The following CYP4F8 variants were observed in gnomAD, a reference collection of about 807,000 sequenced individuals.
CYP4F8 encodes the protein cytochrome P450 family 4 subfamily F member 8.
Under a neutral mutation model 55.0 loss-of-function variants are expected in CYP4F8, and 56 were observed. The ratio of observed to expected loss-of-function variants is 1.02; its 90% CI spans 0.82 to 1.27. The LOEUF (loss-of-function observed/expected upper bound fraction) is 1.27. Ranked by LOEUF, CYP4F8 falls within the 50% of genes most tolerant of loss-of-function variation. The probability of loss-of-function intolerance (pLI) is 0.00; values close to 1 mark genes in which losing one functional copy is unlikely to be tolerated. For synonymous variants in CYP4F8, 288 were observed against 267.3 expected (o/e 1.08, Z -0.76); for missense variants, 680 against 682.4 (o/e 1.00, Z 0.04).
At position 15,619,642 on chromosome 19, in the gene CYP4F8, G is replaced by A; in HGVS notation, c.405G>A (p.Gly135=). 1.2e-6 allele frequency: 2 copies of A among 1,614,214 alleles called. No individual in the cohort carries two copies. Among genetic ancestry groups the A allele is most frequent in the Non-Finnish European group, 8.5e-7 (1 of 1,180,030 alleles). ...CTTTGGCTGCCGTACTAGGGGATGG[G>A]CTCTTGTTAAGTGTTGGTGACAAGT... ...YKTLKPWLGD[G]LLLSVGDKWR... is the part of the protein sequence containing the mutation. Residue 135 remains glycine, a synonymous_variant, in exon 5 of 13, where the codon GGG becomes GGA. Coordinates refer to ENST00000612078, the MANE Select transcript of CYP4F8 (RefSeq NM_007253.4).
At chr19:15,618,329 G>A in intron 3 of CYP4F8, 185 bp downstream of exon 3, 1 of 956,042 alleles carries the variant, frequency 1.0e-6, no homozygotes, top group Non-Finnish European at 1.6e-6. Context: ...TCTCTCTGCT[G>A]CCATCTTCCC....
intron 9 of CYP4F8, among the ~76,000 whole-genome samples, chr19:15,626,849 C>T (rs994681261): frequency 6.6e-6 from 1 of 152,154 alleles, no homozygotes; most frequent in Non-Finnish European, 1.5e-5. Flanking sequence ...TATAATTTTA[C>T]CTTTCTCATA....
In CYP4F8 at chr19:15,628,309, C is replaced by T; in HGVS notation, c.1123C>T (p.Leu375=). 6.2e-7 allele frequency: 1 copy of T among 1,614,060 alleles called. No individual in the cohort carries two copies. The highest frequency in any genetic ancestry group is 1.1e-5 in the South Asian group (1 of 91,086). Residue 375 remains leucine (L), a synonymous_variant, in exon 10 of 13, where the codon CTG becomes TTG. Transcript: ENST00000612078. The part of the protein sequence containing the change: ...REPKEIEWDD[L]AQLPFLTMCL... ...TGTTGGGTGTTTCCTTAGGGACGAC[C>T]TGGCCCAGTTGCCCTTCCTGACCAT...
At position 15,629,392 on chromosome 19, in the gene CYP4F8, C is replaced by CA; in HGVS notation, c.*35dup. The stretch of plus-strand genomic sequence containing the variant: ...GTGACCCACCCACCTACCTTTGCAT[C>CA]ACCTACCTTTGCACCAACTACCTTT... On this transcript the variant is annotated 3_prime_UTR_variant, in exon 13 of 13. Coordinates refer to ENST00000612078, the MANE Select transcript of CYP4F8 (RefSeq NM_007253.4). The CA allele has an allele frequency of 6.4e-7, 1 of 1,568,056 alleles. No individual in the cohort carries two copies. Among genetic ancestry groups the CA allele is most frequent in the South Asian group, 1.2e-5 (1 of 84,428 alleles).
chr19:15,628,640 G>A, intron 11 of CYP4F8, 45 bp downstream of exon 11: 9 of 1,609,244 alleles, frequency 5.6e-6, no homozygotes, highest in Non-Finnish European at 7.6e-6. Context: ...CTGGTCGGGG[G>A]AGGGGTCTTG....
At chr19:15,628,147 T>A in intron 9 of CYP4F8, 155 bp from the exon 10 acceptor site, 1 of 1,111,532 alleles carries the variant, frequency 9.0e-7, no homozygotes, top group Middle Eastern at 3.0e-4. Context: ...CTTCTAGTAG[T>A]TTTGTGACTT....
chr19:15,628,462 T>C (rs1216545454), intron 10 of CYP4F8, 27 bp downstream of exon 10: 6 of 1,613,386 alleles, frequency 3.7e-6, no homozygotes, highest in Non-Finnish European at 5.1e-6. Flanking sequence ...GGGAGGAGGG[T>C]CCTGGGCAGG....
At chr19:15,615,465 T>G (rs1972102574) in intron 1 of CYP4F8, 151 bp from the exon 2 acceptor site, 2 of 837,354 alleles carry the variant, frequency 2.4e-6, no homozygotes. Context: ...TTGTGTCACT[T>G]CTCCTCTCCC....
chr19:15,618,758 A>C, intron 3 of CYP4F8: 1 of 212,524 alleles, frequency 4.7e-6, no homozygotes, highest in Non-Finnish European at 9.5e-6. Flanking sequence ...CATGACATTC[A>C]CCTCTTGTGG....
At chr19:15,619,799 T>G in intron 5 of CYP4F8, 37 bp downstream of exon 5, 2 of 1,607,692 alleles carry the variant, frequency 1.2e-6, no homozygotes, top group South Asian at 2.2e-5. Context: ...GCTGCAGCCT[T>G]GGGGTGGAGG....
rs1177383499 is a variant in CYP4F8 at position 15,630,635 on chromosome 19, T to C, written c.*1277T>C. ...AGAGCTGCGATAAACATGTGGATGCTTGTGTCTTTTTGGCAGAATGATTTA... is the reference window on the plus strand; with the variant it reads ...AGAGCTGCGATAAACATGTGGATGCCTGTGTCTTTTTGGCAGAATGATTTA... On this transcript the variant is annotated 3_prime_UTR_variant, in exon 13 of 13. Coordinates refer to ENST00000612078, the MANE Select transcript of CYP4F8 (RefSeq NM_007253.4). The C allele has an allele frequency of 6.6e-6, 1 of 152,216 alleles. No individual in the cohort carries two copies. Among genetic ancestry groups the C allele is most frequent in the East Asian group, 1.9e-4 (1 of 5,204 alleles). The allele number at this position is 152,216 out of a possible 1,614,324, so 9.4% of individuals were successfully genotyped here.
At position 15,629,471 on chromosome 19, in the gene CYP4F8, G is replaced by T; in HGVS notation, c.*113G>T. 2 of 1,376,728 alleles carry T rather than the reference G, an allele frequency of 1.5e-6. No individual in the cohort carries two copies. Among genetic ancestry groups the T allele is most frequent in the Admixed American group, 3.0e-5 (1 of 32,928 alleles). The allele number at this position is 1,376,728 out of a possible 1,614,324, so 85.3% of individuals were successfully genotyped here. ...GCCCCTGTGCCTCAGTCCCGCGGAT[G>T]GCCAGTAGGGGGCGCTGGAGGACTG... On this transcript the variant is annotated 3_prime_UTR_variant, in exon 13 of 13. Coordinates refer to ENST00000612078, the MANE Select transcript of CYP4F8 (RefSeq NM_007253.4).
intron 3 of CYP4F8, chr19:15,618,643 G>T (rs985337319): frequency 1.8e-5 from 5 of 284,660 alleles, no homozygotes; most frequent in Admixed American, 4.9e-5. Context: ...AGTATTCAAG[G>T]CTCCGGGCCA....
chr19:15,623,229 A>G lies in CYP4F8; in HGVS notation c.772A>G (p.Arg258Gly). Residue 258 changes from arginine to glycine, a missense_variant, in exon 7 of 13, where the codon AGG becomes GGG. Coordinates refer to ENST00000612078, the MANE Select transcript of CYP4F8 (RefSeq NM_007253.4). ...CACTCCCTGTGGACGGCGCTTCCACAGGGCCTGCAGACTGGTGCACGACTT... is the reference window on the plus strand; with the variant it reads ...CACTCCCTGTGGACGGCGCTTCCACGGGGCCTGCAGACTGGTGCACGACTT... ...FLTPCGRRFH[R>G]ACRLVHDFTD... 5 of 1,614,068 alleles carry G rather than the reference A, an allele frequency of 3.1e-6. No homozygotes were observed. Among genetic ancestry groups the G allele is most frequent in the Non-Finnish European group, 4.2e-6 (5 of 1,180,016 alleles).
chr19:15,629,131 T>C, intron 12 of CYP4F8, 62 bp from the exon 13 acceptor site: 1 of 1,509,704 alleles, frequency 6.6e-7, no homozygotes, highest in South Asian at 1.3e-5. Flanking sequence ...GCCTGGTTCC[T>C]GGCGCAGTGG....
intron 3 of CYP4F8, 192 bp downstream of exon 3, chr19:15,618,336 T>C (rs1972150646): frequency 3.3e-6 from 3 of 917,486 alleles, no homozygotes. Flanking sequence ...GCTGCCATCT[T>C]CCCCACCTCC....
chr19:15,618,007 C>T lies in CYP4F8; in HGVS notation c.206C>T (p.Pro69Leu). The T allele has an allele frequency of 6.2e-7, 1 of 1,613,784 alleles. No individual in the cohort carries two copies. Among genetic ancestry groups the T allele is most frequent in the Non-Finnish European group, 8.5e-7 (1 of 1,179,786 alleles). ...CCCTTGCCTTGCTTGCAGGTCACTC[C>T]CACAGAGGAGGGCTTGAGGGTCCTG... ...WFLGHLGLVT[P>L]TEEGLRVLTQ... is the part of the protein sequence containing the mutation. Residue 69 changes from proline to leucine, a missense_variant, in exon 3 of 13, where the codon CCC (proline) becomes CTC (leucine). Physicochemically the swap from Pro to Leu is moderately conservative, Grantham distance 98. Transcript: ENST00000612078.
Position 15,622,288 on chromosome 19 carries a change from A to G in CYP4F8, c.595A>G (p.Thr199Ala). Residue 199 changes from threonine to alanine, a missense_variant, in exon 6 of 13, where the codon ACC (threonine) becomes GCC (alanine). Coordinates refer to ENST00000612078, the MANE Select transcript of CYP4F8 (RefSeq NM_007253.4). Reference protein sequence around the residue: ...LDVFEHISLMTLDSLQKCIFS... With the variant: ...LDVFEHISLMALDSLQKCIFS... Reference sequence around the variant, plus strand: ...TGTGTTTGAGCACATCAGCCTTATGACCCTGGACAGTCTGCAGAAATGCAT... The same window carrying G: ...TGTGTTTGAGCACATCAGCCTTATGGCCCTGGACAGTCTGCAGAAATGCAT... 1.2e-6 allele frequency: 2 copies of G among 1,600,864 alleles called. No individual in the cohort carries two copies. Among genetic ancestry groups the G allele is most frequent in the Non-Finnish European group, 1.7e-6 (2 of 1,172,970 alleles).
intron 8 of CYP4F8, 69 bp from the exon 9 acceptor site, chr19:15,623,896 T>C (rs1972228493): frequency 5.0e-6 from 8 of 1,601,026 alleles, no homozygotes; most frequent in Middle Eastern, 1.9e-4. Context: ...AGCCTCAATG[T>C]ATGGGCGCTG....
Sources: gnomAD v4.1 joint callset for allele counts (sites outside exome capture counted in the v4.1 genomes callset) on GRCh38, gnomAD v4.1.1 for gene constraint, MANE v1.5 for transcripts, NCBI Gene and HGNC (gene_info 2026-07-23, HGNC 2026-07-21) for gene names.